DROSHA: variants seen among roughly 807,000 people sequenced by gnomAD.
DROSHA encodes drosha ribonuclease III.
DROSHA carries 56 observed loss-of-function variants against 181.9 expected under a neutral mutation model. That is an observed-to-expected ratio of 0.31 (90% CI 0.25 to 0.38). DROSHA has a LOEUF of 0.38. Ranked by LOEUF, DROSHA falls within the 10% of genes least tolerant of loss-of-function variation. The pLI is 1.00. For missense variants in DROSHA, 1,218 were observed against 1,743.5 expected, an observed-to-expected ratio of 0.70 and a Z score of 5.37; for synonymous variants, 524 against 591.2, an observed-to-expected ratio of 0.89 and a Z score of 1.65.
rs373505202 is a variant in DROSHA, at chr5:31,410,804, G to A, written c.3609C>T (p.Asn1203=). The change falls in exon 31 of 36, where the codon AAC becomes AAT. Residue 1203 remains asparagine (N), a synonymous_variant. Coordinates refer to ENST00000344624, the MANE Select transcript of DROSHA (RefSeq NM_001382508.1). The part of the protein sequence containing the change: ...ELGMQEYAIT[N]DKTKRPVALR... The stretch of plus-strand genomic sequence containing the variant: ...GCGCCACAGGCCTCTTGGTCTTGTC[G>A]TTGGTTATGGCGTACTCCTGCATGC... 47 of 1,613,860 alleles carry A rather than the reference G, an allele frequency of 2.9e-5. No homozygotes were observed. Among genetic ancestry groups the A allele is most frequent in the Middle Eastern group, 1.6e-4 (1 of 6,084 alleles).
intron 21 of DROSHA, 52 bp from the exon 22 acceptor site, chr5:31,449,471 C>T (rs1354923289): frequency 3.9e-6 from 6 of 1,527,206 alleles, no homozygotes; most frequent in East Asian, 2.5e-5. Flanking sequence ...AAACTGGGTG[C>T]AGTGGCTCAC....
rs576224164 is a variant in DROSHA at position 31,529,052 on chromosome 5, T to A, written c.8A>T (p.Gln3Leu). MM[Q>L]GNTCHRMSFH... ...TCACGGCACTCACCATGTGTTTCCC[T>A]GCATCATGATGTTCCGCCTGGATAT... is the stretch of plus-strand genomic sequence containing the variant. Residue 3 changes from glutamine (Q) to leucine (L), a missense_variant, in exon 4 of 36, where the codon CAG (glutamine) becomes CTG (leucine). Transcript: ENST00000344624. The A allele has an allele frequency of 6.2e-7, 1 of 1,613,284 alleles. No individual in the cohort carries two copies.
Position 31,484,870 on chromosome 5 carries a change from C to T in DROSHA, c.1996+11G>A. ...TAAACACTACTCTCTTCTTTAAATC[C>T]TATTACTTACCTTTAAGATTCCAGT... On this transcript the variant is annotated intron_variant, in intron 15 of 35. Transcript: ENST00000344624. The T allele has an allele frequency of 6.6e-7, 1 of 1,510,666 alleles. No homozygotes were observed. The highest frequency in any genetic ancestry group is 9.0e-7 in the Non-Finnish European group (1 of 1,115,658). The allele number at this position is 1,510,666 out of a possible 1,614,324, so 93.6% of individuals were successfully genotyped here.
chr5:31,421,917 C>CGTGTGTGTGTGAGTGTGTGTGTGTGT (rs1742761694), intron 29 of DROSHA: 1 of 75,188 alleles, frequency 1.3e-5, no homozygotes, highest in Non-Finnish European at 2.4e-5. Context: ...AAAAATTAGC[C>CGTGTGTGTGTGAGTGTGTGTGTGTGT]GTGTGTGTGT....
intron 13 of DROSHA, among the ~76,000 whole-genome samples, chr5:31,492,308 T>C (rs888161903): frequency 1.3e-5 from 2 of 152,098 alleles, no homozygotes; most frequent in Non-Finnish European, 2.9e-5. Context: ...TCTACTTACA[T>C]AGAAAAAAAG....
At chr5:31,502,136 T>C (rs533059866) in intron 11 of DROSHA, among the ~76,000 whole-genome samples, 33 of 152,248 alleles carry the variant, frequency 2.2e-4, no homozygotes, top group Non-Finnish European at 4.1e-4. Flanking sequence ...AGAATGCACA[T>C]TTAGAAACAT....
intron 10 of DROSHA, among the ~76,000 whole-genome samples, chr5:31,506,748 G>A (rs983005169): frequency 6.6e-6 from 1 of 151,556 alleles, no homozygotes; most frequent in Non-Finnish European, 1.5e-5. Flanking sequence ...TGCCAGTCAT[G>A]ACTTGTTGTG....
chr5:31,510,063 A>AAAAAAAAG (rs1554045123), intron 9 of DROSHA, among the ~76,000 whole-genome samples: 2 of 139,866 alleles, frequency 1.4e-5, no homozygotes, highest in African/African-American at 2.5e-5. Flanking sequence ...AAAAAAAAAA[A>AAAAAAAAG]AACAGACCTA....
rs758695166 is a variant in DROSHA, at chr5:31,422,794, G to A, written c.3412C>T (p.Leu1138=). The change falls in exon 29 of 36, where the codon CTG becomes TTG. Residue 1138 remains leucine, a synonymous_variant. Coordinates refer to ENST00000344624, the MANE Select transcript of DROSHA (RefSeq NM_001382508.1). ...FTLRTVGFNH[L]TLGHNQRMEF... ...TGAGAACTTTTAACTCACAGGGTCA[G>A]ATGGTTAAATCCCACAGTTCTCAAT... The A allele has an allele frequency of 5.6e-6, 9 of 1,613,700 alleles. No homozygotes were observed. The highest frequency in any genetic ancestry group is 2.2e-5 in the East Asian group (1 of 44,868).
At chr5:31,488,072 A>C (rs1316384878) in intron 13 of DROSHA, among the ~76,000 whole-genome samples, 1 of 152,304 alleles carries the variant, frequency 6.6e-6, no homozygotes, top group East Asian at 1.9e-4. Flanking sequence ...CAACAAAAAA[A>C]GTATAAAGTA....
At chr5:31,473,453 T>C (rs1749981982) in intron 16 of DROSHA, among the ~76,000 whole-genome samples, 1 of 152,228 alleles carries the variant, frequency 6.6e-6, no homozygotes, top group Admixed American at 6.5e-5. Context: ...CACTCATTCA[T>C]CCAAATATTC....
chr5:31,520,557 C>G (rs1004257593), intron 6 of DROSHA, among the ~76,000 whole-genome samples: 12 of 152,140 alleles, frequency 7.9e-5, no homozygotes, highest in Non-Finnish European at 1.5e-4. Context: ...GTACATATAA[C>G]TGTCCTTATT....
In DROSHA at chr5:31,437,191, T is replaced by C. The variant is rs770087234; in HGVS notation, c.2942+48A>G. The C allele has an allele frequency of 9.8e-6, 15 of 1,526,804 alleles. No individual in the cohort carries two copies. The East Asian group carries it at 3.4e-4, about 35-fold the overall frequency. 94.6% of individuals were successfully genotyped at this position (1,526,804 alleles called of 1,614,324 possible). A position where few individuals can be genotyped will look rare whatever the true frequency, so the allele number is the denominator to read the frequency against. On this transcript the variant is annotated intron_variant, in intron 24 of 35. Coordinates refer to ENST00000344624, the MANE Select transcript of DROSHA (RefSeq NM_001382508.1). ...AGCAATGTAATAAGTATGTTACCTA[T>C]AAAATGTAATTATTGAGGAATTGTA... is the stretch of plus-strand genomic sequence containing the variant.
intron 35 of DROSHA, among the ~76,000 whole-genome samples, chr5:31,402,846 G>C (rs2149981989): frequency 6.6e-6 from 1 of 152,234 alleles, no homozygotes; most frequent in Admixed American, 6.5e-5. Flanking sequence ...CTGGAGCGCA[G>C]TCCCTCAGCT....
chr5:31,521,762 GA>G (rs1408379786), intron 5 of DROSHA, among the ~76,000 whole-genome samples: 1 of 151,416 alleles, frequency 6.6e-6, no homozygotes, highest in East Asian at 1.9e-4. Flanking sequence ...TTTTCATCTG[GA>G]AAAAAAACTA....
At chr5:31,509,979 A>G (rs1233930839) in intron 9 of DROSHA, among the ~76,000 whole-genome samples, 1 of 151,316 alleles carries the variant, frequency 6.6e-6, no homozygotes, top group African/African-American at 2.4e-5. Flanking sequence ...GTCATGTTGA[A>G]CCCTATTGAA....
rs556164066 is a variant in DROSHA, at chr5:31,482,242, T to G, written c.2071+1312A>C. On this transcript the variant is annotated intron_variant, in intron 16 of 35. Transcript: ENST00000344624. The stretch of plus-strand genomic sequence containing the variant: ...GCAGCTATGTTTTACTCTTCAGTAT[T>G]ACTGAGTGGCCCATATATAGAAGAA... Among the ~76,000 whole-genome samples the G allele has an allele frequency of 3.9e-5, 6 of 152,314 alleles. No individual in the cohort carries two copies. In the South Asian group the frequency reaches 1.2e-3, roughly 32 times the overall value.
At chr5:31,428,119 C>A (rs1260826574) in intron 27 of DROSHA, among the ~76,000 whole-genome samples, 1 of 152,180 alleles carries the variant, frequency 6.6e-6, no homozygotes, top group Non-Finnish European at 1.5e-5. Context: ...AAGATAAGCT[C>A]ACTAAGTAGA....
chr5:31,516,698 A>G (rs962054427), intron 6 of DROSHA, among the ~76,000 whole-genome samples: 2 of 152,242 alleles, frequency 1.3e-5, no homozygotes, highest in African/African-American at 2.4e-5. Context: ...GAAAATCACT[A>G]TATTTCATAA....
Sources: allele counts gnomAD v4.1 joint callset (sites outside exome capture counted in the v4.1 genomes callset), GRCh38; gene constraint gnomAD v4.1.1; transcripts MANE v1.5; gene names NCBI Gene and HGNC (gene_info 2026-07-23, HGNC 2026-07-21).